The following CIT variants were observed in gnomAD, a reference collection of about 807,000 sequenced individuals.
CIT encodes citron rho-interacting serine/threonine kinase.
Under a neutral mutation model 272.7 loss-of-function variants are expected in CIT, and 79 were observed. The ratio of observed to expected loss-of-function variants is 0.29; its 90% CI spans 0.24 to 0.35. CIT has a LOEUF of 0.35. CIT is among the 10% of genes least tolerant of loss of function. The probability of loss-of-function intolerance (pLI) is 1.00; values close to 1 mark genes in which losing one functional copy is unlikely to be tolerated. For synonymous variants in CIT, 948 were observed against 995.6 expected (o/e 0.95, Z 0.90); for missense variants, 1,909 against 2,618.3 (o/e 0.73, Z 5.91).
chr12:119,704,661 G>C (rs1956779070), intron 40 of CIT, among the ~76,000 whole-genome samples: 1 of 152,118 alleles, frequency 6.6e-6, no homozygotes, highest in South Asian at 2.1e-4. Context: ...ACTTCAATGT[G>C]TGACAATCAA....
intron 8 of CIT, among the ~76,000 whole-genome samples, chr12:119,824,362 G>C (rs1967994703): frequency 6.6e-6 from 1 of 152,118 alleles, no homozygotes; most frequent in Admixed American, 6.6e-5. Context: ...ACCTCACAAG[G>C]TTGTTTGAAG....
At chr12:119,783,588 G>A (rs904232334) in intron 12 of CIT, 3 of 196,472 alleles carry the variant, frequency 1.5e-5, no homozygotes, top group South Asian at 1.5e-4. Context: ...CAGACACAAC[G>A]CAGACCACAG....
At chr12:119,876,602 A>T (rs975551088) in intron 1 of CIT, among the ~76,000 whole-genome samples, 1 of 152,190 alleles carries the variant, frequency 6.6e-6, no homozygotes, top group Non-Finnish European at 1.5e-5. Flanking sequence ...GAAAAGGACA[A>T]TGGGGGTGAG....
At chr12:119,708,356 G>A (rs572585754) in intron 39 of CIT, 38 bp from the exon 40 acceptor site, 3 of 1,488,680 alleles carry the variant, frequency 2.0e-6, no homozygotes, top group Non-Finnish European at 2.7e-6. Flanking sequence ...TCAGTGTGAA[G>A]CCGTTAAGTA....
At chr12:119,866,084 G>A (rs1282118364) in intron 3 of CIT, among the ~76,000 whole-genome samples, 4 of 151,796 alleles carry the variant, frequency 2.6e-5, no homozygotes, top group African/African-American at 4.8e-5. Flanking sequence ...CAACAAAACC[G>A]ATCACAACAC....
chr12:119,857,967 G>A (rs1486950516), intron 3 of CIT, among the ~76,000 whole-genome samples: 1 of 152,176 alleles, frequency 6.6e-6, no homozygotes, highest in Non-Finnish European at 1.5e-5. Flanking sequence ...TAGGGAGAGA[G>A]GATACAAATT....
At position 119,697,708 on chromosome 12, in the gene CIT, C is replaced by T. The variant is rs774595707; in HGVS notation, c.5833G>A (p.Val1945Met). The change falls in exon 46 of 48, where the codon GTG becomes ATG. Residue 1945 changes from valine (V) to methionine (M), a missense_variant. This residue lies in a region of CIT where 780 missense variants were observed against 1,067.2 expected (regional missense o/e 0.73). Transcript: ENST00000392521. This position sits in a 1 kb window ranked among gnomAD's most constrained non-coding sequence, Gnocchi z 4.9. The stretch of plus-strand genomic sequence containing the variant: ...TGGTGTTCAGTGCCGGACTCCTTCA[C>T]GAGGTTTCCCTTGCAGCAAATGACC... ...LRVICCKGNL[V>M]KESGTEHHRG... 15 of 1,614,048 alleles carry T rather than the reference C, an allele frequency of 9.3e-6. No individual in the cohort carries two copies. The highest frequency in any genetic ancestry group is 3.3e-5 in the Admixed American group (2 of 60,012).
chr12:119,836,530 T>C (rs765034109), intron 5 of CIT, among the ~76,000 whole-genome samples: 91 of 151,890 alleles, frequency 6.0e-4, no homozygotes, highest in Non-Finnish European at 1.0e-3. Context: ...TTTAAATATA[T>C]ATTGACATCG....
At chr12:119,838,650 C>T (rs1197906482) in intron 5 of CIT, among the ~76,000 whole-genome samples, 1 of 152,174 alleles carries the variant, frequency 6.6e-6, no homozygotes, top group Non-Finnish European at 1.5e-5. Flanking sequence ...AGCAGCAATG[C>T]CCTTGATGAA....
At chr12:119,781,599 A>C (rs932466760) in intron 13 of CIT, among the ~76,000 whole-genome samples, 1 of 152,196 alleles carries the variant, frequency 6.6e-6, no homozygotes, top group Non-Finnish European at 1.5e-5. Flanking sequence ...AGACACAAAA[A>C]TCCATGCTAA....
chr12:119,841,344 T>C (rs1969398497), intron 5 of CIT, among the ~76,000 whole-genome samples: 1 of 151,968 alleles, frequency 6.6e-6, no homozygotes. Flanking sequence ...CCGGCTAATT[T>C]CTATATTTTT....
chr12:119,770,998 C>T lies in CIT; in HGVS notation c.2083-88G>A. ...ACCGAGGGAAAGAGCCCTCAAGAAG[C>T]ATACACTCGAGTCAGGAAGAAAAGT... On this transcript the variant is annotated intron_variant, in intron 17 of 47. Transcript: ENST00000392521. This position sits in a 1 kb window ranked among gnomAD's most constrained non-coding sequence, Gnocchi z 4.4. 1 of 1,486,946 alleles carries T rather than the reference C, an allele frequency of 6.7e-7. No homozygotes were observed. Among genetic ancestry groups the T allele is most frequent in the Non-Finnish European group, 9.1e-7 (1 of 1,102,318 alleles). The allele number at this position is 1,486,946 out of a possible 1,614,324, so 92.1% of individuals were successfully genotyped here. A position where few individuals can be genotyped will look rare whatever the true frequency, so the allele number is the denominator to read the frequency against.
At position 119,713,602 on chromosome 12, in the gene CIT, G is replaced by A. The variant is rs1171188190; in HGVS notation, c.4353C>T (p.Ala1451=). Residue 1451 remains alanine (A), a synonymous_variant, in exon 34 of 48, where the codon GCC becomes GCT. Coordinates refer to ENST00000392521, the MANE Select transcript of CIT (RefSeq NM_001206999.2). This position sits in a 1 kb window ranked among gnomAD's most constrained non-coding sequence, Gnocchi z 5.2. ...CATATTCAGCAGGCAAGCCGCAGGT[G>A]GCTGGCAAGCACGTGGAGCACTTGG... ...CHPKCSTCLP[A]TCGLPAEYAT... The A allele has an allele frequency of 5.6e-6, 9 of 1,614,246 alleles. No homozygotes were observed. Among genetic ancestry groups the A allele is most frequent in the Non-Finnish European group, 7.6e-6 (9 of 1,180,046 alleles).
chr12:119,817,250 G>T (rs1251626759), intron 9 of CIT, among the ~76,000 whole-genome samples: 1 of 152,172 alleles, frequency 6.6e-6, no homozygotes, highest in East Asian at 1.9e-4. Context: ...AGTGGCTCAT[G>T]CCTGTAATCC....
intron 5 of CIT, among the ~76,000 whole-genome samples, chr12:119,837,724 G>T (rs920779365): frequency 6.6e-6 from 1 of 152,128 alleles, no homozygotes; most frequent in Non-Finnish European, 1.5e-5. Flanking sequence ...GGTCCTCTAG[G>T]TTAGAACTTC....
intron 4 of CIT, among the ~76,000 whole-genome samples, chr12:119,855,137 A>G (rs935919207): frequency 6.6e-6 from 1 of 151,754 alleles, no homozygotes; most frequent in Non-Finnish European, 1.5e-5. Context: ...TAGTAGAAAC[A>G]GTCGGCCAGG....
At chr12:119,826,687 C>G (rs1295901589) in intron 7 of CIT, among the ~76,000 whole-genome samples, 1 of 152,276 alleles carries the variant, frequency 6.6e-6, no homozygotes, top group Middle Eastern at 3.4e-3. Context: ...TCCTATAACT[C>G]TATATCATAA....
intron 13 of CIT, 96 bp downstream of exon 13, chr12:119,782,421 TC>T: frequency 2.1e-6 from 3 of 1,416,256 alleles, no homozygotes; most frequent in Non-Finnish European, 2.9e-6. Context: ...TTTCTCTCTC[TC>T]CCTTTCTTCC....
rs1957242112 is a variant in CIT, at chr12:119,712,901, ACAGT to A, written c.4580-210_4580-207del. ...AAATAAAGTGTGTCAGATGAGTAGC[ACAGT>A]CAAATTTCTGATGACGATGCGGATT... On this transcript the variant is annotated intron_variant, in intron 35 of 47. Coordinates refer to ENST00000392521, the MANE Select transcript of CIT (RefSeq NM_001206999.2). This position sits in a 1 kb window ranked among gnomAD's most constrained non-coding sequence, Gnocchi z 5.2. 3.4e-6 allele frequency: 2 copies of A among 584,890 alleles called. No individual in the cohort carries two copies. Among genetic ancestry groups the A allele is most frequent in the Non-Finnish European group, 6.1e-6 (2 of 330,000 alleles). The allele number at this position is 584,890 out of a possible 1,614,324, so 36.2% of individuals were successfully genotyped here.
Sources: gnomAD v4.1 joint callset for allele counts (sites outside exome capture counted in the v4.1 genomes callset) on GRCh38, gnomAD v4.1.1 for gene constraint, gnomAD v4.1.1 regional missense constraint, Gnocchi (gnomAD v3.1) non-coding constraint, MANE v1.5 for transcripts, NCBI Gene and HGNC (gene_info 2026-07-23, HGNC 2026-07-21) for gene names.